PTPN14: variants seen among roughly 807,000 people sequenced by gnomAD.
The protein encoded by PTPN14 is tyrosine-protein phosphatase non-receptor type 14.
A neutral mutation model predicts 126.8 loss-of-function variants in PTPN14; 53 were observed. That is an observed-to-expected ratio of 0.42 (90% CI 0.34 to 0.53). The LOEUF is 0.53. Among genes scored for constraint, PTPN14 ranks in the 20% least tolerant of loss-of-function variants. PTPN14 has a pLI of 0.08. For missense variants in PTPN14, 1,257 were observed against 1,552.9 expected (o/e 0.81, Z 3.20); for synonymous variants, 630 against 599.3 (o/e 1.05, Z -0.75).
At chr1:214,498,430 A>C (rs2102427384) in intron 1 of PTPN14, among the ~76,000 whole-genome samples, 1 of 152,332 alleles carries the variant, frequency 6.6e-6, no homozygotes, top group African/African-American at 2.4e-5. Context: ...GGGATGTAAG[A>C]GAGAAAGGGC....
chr1:214,402,825 C>G, intron 6 of PTPN14, 58 bp downstream of exon 6: 1 of 1,572,484 alleles, frequency 6.4e-7, no homozygotes, highest in Non-Finnish European at 8.7e-7. Context: ...ATGCCTCCTG[C>G]CCCATGGGCT....
intron 3 of PTPN14, among the ~76,000 whole-genome samples, chr1:214,431,652 G>T (rs1659799794): frequency 1.3e-5 from 2 of 152,208 alleles, no homozygotes; most frequent in South Asian, 4.1e-4. Context: ...TGGTAAATGT[G>T]TGGATTCTGG....
At chr1:214,525,881 G>T (rs1456315663) in intron 1 of PTPN14, among the ~76,000 whole-genome samples, 1 of 152,132 alleles carries the variant, frequency 6.6e-6, no homozygotes, top group Non-Finnish European at 1.5e-5. Flanking sequence ...ATTCAAAATG[G>T]ACTTGGCCCG....
chr1:214,418,217 C>T (rs1017770519), intron 3 of PTPN14, among the ~76,000 whole-genome samples: 24 of 152,190 alleles, frequency 1.6e-4, no homozygotes, highest in Non-Finnish European at 4.4e-5. Flanking sequence ...GCTCAGTGAG[C>T]CTGAGCCCTG....
intron 1 of PTPN14, among the ~76,000 whole-genome samples, chr1:214,534,413 T>C (rs1335170992): frequency 6.6e-6 from 1 of 152,102 alleles, no homozygotes; most frequent in African/African-American, 2.4e-5. Flanking sequence ...CCAATCGTGG[T>C]ATAATAAAAG....
At chr1:214,397,488 CT>C (rs1465068139) in intron 8 of PTPN14, among the ~76,000 whole-genome samples, 2 of 152,168 alleles carry the variant, frequency 1.3e-5, no homozygotes, top group African/African-American at 4.8e-5. Context: ...CCAAAGCCCC[CT>C]AATTCATCAT....
In PTPN14 at chr1:214,402,958, A is replaced by C; in HGVS notation, c.511-5T>G. ...AGCCTCTTCCAGGGCCAAATCCTATAAGAATAGAAAGTGCTTAAGGTCACA... is the reference window on the plus strand; with the variant it reads ...AGCCTCTTCCAGGGCCAAATCCTATCAGAATAGAAAGTGCTTAAGGTCACA... On this transcript the variant is annotated splice_polypyrimidine_tract_variant and splice_region_variant and intron_variant, in intron 5 of 18. Coordinates refer to ENST00000366956, the MANE Select transcript of PTPN14 (RefSeq NM_005401.5). 1 of 1,613,764 alleles carries C rather than the reference A, an allele frequency of 6.2e-7. No homozygotes were observed. Among genetic ancestry groups the C allele is most frequent in the Non-Finnish European group, 8.5e-7 (1 of 1,179,730 alleles).
chr1:214,455,106 G>A (rs1203599701), intron 2 of PTPN14, among the ~76,000 whole-genome samples: 3 of 151,922 alleles, frequency 2.0e-5, no homozygotes, highest in East Asian at 1.9e-4. Flanking sequence ...ATTCTCCCAC[G>A]TCTACACAGT....
chr1:214,402,859 C>A, intron 6 of PTPN14, 24 bp downstream of exon 6: 2 of 1,610,954 alleles, frequency 1.2e-6, no homozygotes, highest in Non-Finnish European at 1.7e-6. Context: ...GTGCAGGCAG[C>A]CCCTTACCCT....
chr1:214,420,986 A>T (rs1024205420), intron 3 of PTPN14, among the ~76,000 whole-genome samples: 1 of 152,238 alleles, frequency 6.6e-6, no homozygotes, highest in Non-Finnish European at 1.5e-5. Flanking sequence ...ATGACTTGGG[A>T]AAGTTTTTCA....
rs550586730 is a variant in PTPN14, at chr1:214,450,364, C to T, written c.344+1441G>A. Among the ~76,000 whole-genome samples, 351 of 150,972 alleles carry T rather than the reference C, an allele frequency of 2.3e-3. 1 individual carries two copies. The highest frequency in any genetic ancestry group is 8.3e-3 in the African/African-American group (341 of 41,114). On this transcript the variant is annotated intron_variant, in intron 3 of 18. Coordinates refer to ENST00000366956, the MANE Select transcript of PTPN14 (RefSeq NM_005401.5). ...GCAGGCGCCTATAATCCCAGCCACT[C>T]GGGAGGCTGAGGCACGAGAATCGCT...
intron 10 of PTPN14, 30 bp from the exon 11 acceptor site, chr1:214,391,075 GT>G: frequency 6.7e-7 from 1 of 1,501,526 alleles, no homozygotes; most frequent in Non-Finnish European, 9.1e-7. Context: ...AATGAGAATG[GT>G]TATTATTATT....
Position 214,381,272 on chromosome 1 carries a change from G to A in PTPN14, c.2544+2039C>T, listed in dbSNP as rs962481683. ...TGTGGACATCATTAAGTATCAAGTTGGCAGGGGAAATAGCTAAATTAAATG... is the reference window on the plus strand; with the variant it reads ...TGTGGACATCATTAAGTATCAAGTTAGCAGGGGAAATAGCTAAATTAAATG... On this transcript the variant is annotated intron_variant, in intron 13 of 18. Coordinates refer to ENST00000366956, the MANE Select transcript of PTPN14 (RefSeq NM_005401.5). Among the ~76,000 whole-genome samples, 78 of 152,166 alleles carry A rather than the reference G, an allele frequency of 5.1e-4. 1 individual carries two copies. The highest frequency in any genetic ancestry group is 5.1e-3 in the Admixed American group (78 of 15,264).
At position 214,348,873 on chromosome 1, in the gene PTPN14, CAGAT is replaced by C. The variant is rs1162239124; in HGVS notation, c.*9045_*9048del. On this transcript the variant is annotated 3_prime_UTR_variant, in exon 19 of 19. Coordinates refer to ENST00000366956, the MANE Select transcript of PTPN14 (RefSeq NM_005401.5). ...ATATCTAAATAAGACTTTATAAAAA[CAGAT>C]AGGAAACAGTGCAAAAAATACTGTC... is the stretch of plus-strand genomic sequence containing the variant. 2.0e-5 allele frequency: 3 copies of C among 152,082 alleles called. No individual in the cohort carries two copies. The highest frequency in any genetic ancestry group is 2.9e-5 in the Non-Finnish European group (2 of 68,002). The allele number at this position is 152,082 out of a possible 1,614,324, so 9.4% of individuals were successfully genotyped here.
intron 2 of PTPN14, among the ~76,000 whole-genome samples, chr1:214,453,412 G>A (rs1660312525): frequency 6.6e-6 from 1 of 152,194 alleles, no homozygotes; most frequent in Non-Finnish European, 1.5e-5. Flanking sequence ...TGCACTCACT[G>A]TCTCAGTAAC....
intron 1 of PTPN14, among the ~76,000 whole-genome samples, chr1:214,481,013 C>G (rs1055033300): frequency 5.3e-5 from 8 of 152,106 alleles, no homozygotes; most frequent in Admixed American, 4.6e-4. Context: ...ACACACTGTT[C>G]TAGGGCTCAG....
chr1:214,533,057 T>G (rs1655595002), intron 1 of PTPN14: 1 of 746,868 alleles, frequency 1.3e-6, no homozygotes, highest in African/African-American at 1.7e-5. Context: ...GCTGCTGAGA[T>G]GACACTCACG....
At chr1:214,470,882 G>A (rs61819622) in intron 1 of PTPN14, among the ~76,000 whole-genome samples, 13,482 of 149,204 alleles carry the variant, frequency 0.09, 617 homozygotes, top group South Asian at 0.12. Context: ...AAAATTAGCC[G>A]GGCATGGTGG....
rs2102634989 is a variant in PTPN14 at position 214,452,034 on chromosome 1, C to T, written c.175-60G>A. 3.2e-6 allele frequency: 5 copies of T among 1,539,930 alleles called. No homozygotes were observed. The South Asian group carries it at 5.0e-5, about 15-fold the overall frequency. Reference sequence around the variant, plus strand: ...TCACCACAAGCATCCCAAGGCCACACAAGAAACGAGACTCCAGCATGCTGC... The same window carrying T: ...TCACCACAAGCATCCCAAGGCCACATAAGAAACGAGACTCCAGCATGCTGC... On this transcript the variant is annotated intron_variant, in intron 2 of 18. Transcript: ENST00000366956.
Sources: gnomAD v4.1 joint callset for allele counts (sites outside exome capture counted in the v4.1 genomes callset) on GRCh38, gnomAD v4.1.1 for gene constraint, MANE v1.5 for transcripts, NCBI Gene and HGNC (gene_info 2026-07-23, HGNC 2026-07-21) for gene names.